The following ANKRD26 variants were observed in gnomAD, a reference collection of about 807,000 sequenced individuals.
The protein encoded by ANKRD26 is ankyrin repeat domain 26.
In ANKRD26, 141 loss-of-function variants were observed where a neutral mutation model predicts 208.7. The observed-to-expected ratio is 0.68, with a 90% CI of 0.59 to 0.78. The LOEUF (loss-of-function observed/expected upper bound fraction) is 0.78. Ranked by LOEUF, ANKRD26 falls within the 30% of genes least tolerant of loss-of-function variation. ANKRD26 has a pLI of 0.00. For missense variants in ANKRD26, 1,889 were observed against 1,938.7 expected, an observed-to-expected ratio of 0.97 and a Z score of 0.48; for synonymous variants, 636 against 660.4, an observed-to-expected ratio of 0.96 and a Z score of 0.57.
At chr10:26,981,853 G>A (rs554674347) in intron 4 of ANKRD26, among the ~76,000 whole-genome samples, 16 of 152,216 alleles carry the variant, frequency 1.1e-4, no homozygotes, top group African/African-American at 3.4e-4. Context: ...CACTCATGTC[G>A]TGGCTACCTG....
chr10:27,009,748 T>C (rs999127513), intron 32 of ANKRD26, among the ~76,000 whole-genome samples: 10 of 152,190 alleles, frequency 6.6e-5, no homozygotes, highest in African/African-American at 1.7e-4. Flanking sequence ...ATAAATAAAC[T>C]ACGTTTTATA....
Position 27,064,074 on chromosome 10 carries a change from G to T in ANKRD26, c.1277C>A (p.Ser426Tyr), listed in dbSNP as rs2055157458. 1 of 1,607,372 alleles carries T rather than the reference G, an allele frequency of 6.2e-7. No homozygotes were observed. Reference protein sequence around the residue: ...IESPWDSESISENFPQKYVDP... With the variant: ...IESPWDSESIYENFPQKYVDP... The stretch of plus-strand genomic sequence containing the variant: ...AACATACTTCTGTGGAAAATTCTCA[G>T]AGATACTCTGTTAAAATTAGTATCA... Residue 426 changes from serine to tyrosine, a missense_variant, in exon 12 of 34, where the codon TCT (serine) becomes TAT (tyrosine). By Grantham distance (144) the Ser-to-Tyr change is moderately radical. Around this residue, in one of 3 missense-constraint regions of ANKRD26, gnomAD observed 1,272 missense variants for 1,273.8 expected, o/e 1.00. Coordinates refer to ENST00000376087, the MANE Select transcript of ANKRD26 (RefSeq NM_014915.3).
intron 16 of ANKRD26, among the ~76,000 whole-genome samples, chr10:27,052,835 G>C (rs2054707677): frequency 6.6e-6 from 1 of 152,088 alleles, no homozygotes; most frequent in African/African-American, 2.4e-5. Flanking sequence ...GAAATCAACA[G>C]GGATCACAAG....
chr10:27,078,944 A>G lies in ANKRD26; in HGVS notation c.813+145T>C, dbSNP rs578002951. ...AAAAAAAAAAAGAATTCAACTGGCC[A>G]TATTTCTATAAAATGGCTTCCCCTG... On this transcript the variant is annotated intron_variant, in intron 7 of 33. Coordinates refer to ENST00000376087, the MANE Select transcript of ANKRD26 (RefSeq NM_014915.3). The G allele has an allele frequency of 3.5e-4, 195 of 564,706 alleles. 2 individuals carry two copies. The Middle Eastern group carries it at 3.5e-3, about 10-fold the overall frequency. 35.0% of individuals were successfully genotyped at this position (564,706 alleles called of 1,614,324 possible).
chr10:26,999,279 C>T (rs1188097000), downstream of ANKRD26, among the ~76,000 whole-genome samples: 1 of 152,198 alleles, frequency 6.6e-6, no homozygotes, highest in African/African-American at 2.4e-5. Flanking sequence ...CATGACAATT[C>T]GCCATAAGCA....
chr10:27,100,034 C>T (rs1269646660), intron 1 of ANKRD26, 51 bp downstream of exon 1: 2 of 1,610,284 alleles, frequency 1.2e-6, no homozygotes, highest in South Asian at 1.1e-5. Context: ...GGCCCCTCTT[C>T]CTGCCCGCCT....
At position 27,004,993 on chromosome 10, in the gene ANKRD26, T is replaced by C. The variant is rs1378298363; in HGVS notation, c.*597A>G. ...ATGTCAGCAATTTACTCTCAAATTG[T>C]TCGGAGGAGAAAGTCTTTGTACTAA... is the stretch of plus-strand genomic sequence containing the variant. On this transcript the variant is annotated 3_prime_UTR_variant, in exon 34 of 34. Transcript: ENST00000376087. 46 of 967,266 alleles carry C rather than the reference T, an allele frequency of 4.8e-5. No homozygotes were observed. The highest frequency in any genetic ancestry group is 6.2e-5 in the Admixed American group (1 of 16,240). 59.9% of individuals were successfully genotyped at this position (967,266 alleles called of 1,614,324 possible). A position where few individuals can be genotyped will look rare whatever the true frequency, so the allele number is the denominator to read the frequency against.
chr10:26,996,073 T>C (rs980476685), intron 4 of ANKRD26, among the ~76,000 whole-genome samples: 1 of 152,172 alleles, frequency 6.6e-6, no homozygotes, highest in Non-Finnish European at 1.5e-5. Context: ...AAATACTGAC[T>C]GGGAGTGGGT....
chr10:26,966,558 A>G, the ANKRD26 span, among the ~76,000 whole-genome samples: 1 of 152,208 alleles, frequency 6.6e-6, no homozygotes, highest in South Asian at 2.1e-4. Flanking sequence ...ACGTATACCT[A>G]TGTAACAAAC....
At chr10:27,022,820 CAT>C (rs2053534862) in intron 28 of ANKRD26, 133 bp from the exon 29 acceptor site, 2 of 852,648 alleles carry the variant, frequency 2.3e-6, no homozygotes, top group Non-Finnish European at 3.5e-6. Flanking sequence ...TTCAATCTGA[CAT>C]AGTTTGAAAA....
intron 1 of ANKRD26, among the ~76,000 whole-genome samples, chr10:27,098,808 CG>C (rs1589389463): frequency 6.6e-6 from 1 of 152,170 alleles, no homozygotes; most frequent in East Asian, 1.9e-4. Flanking sequence ...CTCGGCCTCC[CG>C]AAGTGCTGGG....
chr10:26,971,305 C>T (rs61850994), downstream of ANKRD26, among the ~76,000 whole-genome samples: 1 of 152,122 alleles, frequency 6.6e-6, no homozygotes, highest in Non-Finnish European at 1.5e-5. Context: ...ATCACTTGAA[C>T]CCAGGAGGCA....
In ANKRD26 at chr10:27,008,056, T is replaced by A. The variant is rs1289986441; in HGVS notation, c.4954-1094A>T. ...TATATTTATATACTTAATTATGAAA[T>A]GTGTGGGAATATTTCAAACTATATT... On this transcript the variant is annotated intron_variant, in intron 32 of 33. Transcript: ENST00000376087. Among the ~76,000 whole-genome samples the A allele has an allele frequency of 3.3e-5, 5 of 152,118 alleles. No individual in the cohort carries two copies. The East Asian group carries it at 9.6e-4, about 29-fold the overall frequency.
At chr10:27,023,708 G>A (rs1481006744) in intron 28 of ANKRD26, among the ~76,000 whole-genome samples, 1 of 151,212 alleles carries the variant, frequency 6.6e-6, no homozygotes, top group East Asian at 2.0e-4. Flanking sequence ...GAGAAAAATA[G>A]TAATTAGAAT....
chr10:26,999,663 A>C (rs2052675302), downstream of ANKRD26, among the ~76,000 whole-genome samples: 1 of 152,092 alleles, frequency 6.6e-6, no homozygotes, highest in Non-Finnish European at 1.5e-5. Flanking sequence ...AGACACCTTC[A>C]CATGATTCTC....
At chr10:27,059,946 T>A (rs889441459) in intron 15 of ANKRD26, among the ~76,000 whole-genome samples, 1 of 151,444 alleles carries the variant, frequency 6.6e-6, no homozygotes, top group Non-Finnish European at 1.5e-5. Flanking sequence ...ATGCCTGTAA[T>A]CCCAGAATTT....
chr10:27,089,318 C>G (rs568999729), intron 4 of ANKRD26, among the ~76,000 whole-genome samples: 1 of 152,158 alleles, frequency 6.6e-6, no homozygotes, highest in Non-Finnish European at 1.5e-5. Flanking sequence ...AGCAGATGGC[C>G]CCCAGGGGGA....
At chr10:26,985,640 A>T (rs2052374277) in intron 3 of ANKRD26, among the ~76,000 whole-genome samples, 1 of 152,134 alleles carries the variant, frequency 6.6e-6, no homozygotes, top group African/African-American at 2.4e-5. Context: ...GTGACCTGGA[A>T]TTTTTATAAT....
In ANKRD26 at chr10:27,053,343, C is replaced by T. The variant is rs752712952; in HGVS notation, c.1612G>A (p.Gly538Arg). ...VASEEEQERE[G>R]SENNQPQVEE... ...ACCTGTGGCTGGTTATTTTCACTCC[C>T]TTCCCTTTCTTGCTCTTCTTCTGAT... The change falls in exon 16 of 34, where the codon GGG becomes AGG. Residue 538 changes from glycine to arginine, a missense_variant. Physicochemically the swap from Gly to Arg is moderately radical, Grantham distance 125. This residue lies in a region of ANKRD26 where 1,272 missense variants were observed against 1,273.8 expected (regional missense o/e 1.00). Transcript: ENST00000376087. The T allele has an allele frequency of 5.6e-6, 9 of 1,610,444 alleles. No individual in the cohort carries two copies. The Admixed American group carries it at 1.5e-4, about 27-fold the overall frequency.
Sources: allele counts gnomAD v4.1 joint callset (sites outside exome capture counted in the v4.1 genomes callset), GRCh38; gene constraint gnomAD v4.1.1; regional missense constraint gnomAD v4.1.1; transcripts MANE v1.5; gene names NCBI Gene and HGNC (gene_info 2026-07-23, HGNC 2026-07-21).